Variants in GDAP1 observed in about 807,000 individuals in gnomAD.
GDAP1 encodes the protein ganglioside-induced differentiation-associated protein 1.
A neutral mutation model predicts 40.1 loss-of-function variants in GDAP1; 34 were observed. That is an observed-to-expected ratio of 0.85 (90% CI 0.64 to 1.13). GDAP1 has a LOEUF of 1.13. Among genes scored for constraint, GDAP1 ranks in the 50% most tolerant of loss-of-function variants. The probability of loss-of-function intolerance (pLI) is 0.00; values close to 1 mark genes in which losing one functional copy is unlikely to be tolerated. For synonymous variants in GDAP1, 170 were observed against 157.4 expected (o/e 1.08, Z -0.60); for missense variants, 374 against 433.7 (o/e 0.86, Z 1.22).
rs1360085741 is a variant in GDAP1 at position 74,351,270 on chromosome 8, C to G, written c.118-4C>G. On this transcript the variant is annotated splice_polypyrimidine_tract_variant and splice_region_variant and intron_variant, in intron 1 of 5. Coordinates refer to ENST00000220822, the MANE Select transcript of GDAP1 (RefSeq NM_018972.4). ...GTTGTAGTAACCAGTGTGAACTCTT[C>G]CAGGTGCGCTTGGTAATTGCTGAAA... 1.9e-6 allele frequency: 3 copies of G among 1,613,026 alleles called. No homozygotes were observed. The highest frequency in any genetic ancestry group is 1.7e-5 in the Admixed American group (1 of 60,026).
At chr8:74,368,850 C>G (rs957548872), downstream of GDAP1, among the ~76,000 whole-genome samples, 2 of 152,194 alleles carry the variant, frequency 1.3e-5, no homozygotes, top group Admixed American at 1.3e-4. Flanking sequence ...TCCTTGGCCT[C>G]TACCTCCTAA....
intron 2 of GDAP1, among the ~76,000 whole-genome samples, chr8:74,379,588 A>G (rs1809916030): frequency 6.6e-6 from 1 of 152,212 alleles, no homozygotes; most frequent in Non-Finnish European, 1.5e-5. Context: ...CCATATGTAA[A>G]AATGATAGAA....
chr8:74,350,525 G>C lies in GDAP1; in HGVS notation c.64G>C (p.Ala22Pro), dbSNP rs1398700519. Reference protein sequence around the residue: ...PPLRAEGKADAEVKLILYHWT... With the variant: ...PPLRAEGKADPEVKLILYHWT... ...CTTGAGGGCGGAAGGCAAGGCCGAC[G>C]CGGAGGTTAAGCTCATTCTGTACCA... Residue 22 changes from alanine (A) to proline (P), a missense_variant, in exon 1 of 6, where the codon GCG becomes CCG. By Grantham distance (27) the Ala-to-Pro change is conservative (BLOSUM62 -1). Transcript: ENST00000220822. 6.2e-7 allele frequency: 1 copy of C among 1,613,492 alleles called. No individual in the cohort carries two copies. Among genetic ancestry groups the C allele is most frequent in the Non-Finnish European group, 8.5e-7 (1 of 1,179,530 alleles).
At chr8:74,480,316 C>T (rs1433011037) in intron 2 of GDAP1, among the ~76,000 whole-genome samples, 1 of 152,098 alleles carries the variant, frequency 6.6e-6, no homozygotes, top group Non-Finnish European at 1.5e-5. Flanking sequence ...TGGAACTGCA[C>T]TGCAAAGTAC....
chr8:74,416,667 T>C (rs1441154073), intron 2 of GDAP1, among the ~76,000 whole-genome samples: 1 of 150,006 alleles, frequency 6.7e-6, no homozygotes. Context: ...GCTGGGAGAC[T>C]TGAGGACAGG....
chr8:74,377,860 A>G (rs1029730479), intron 2 of GDAP1, among the ~76,000 whole-genome samples: 2 of 152,234 alleles, frequency 1.3e-5, no homozygotes, highest in African/African-American at 2.4e-5. Flanking sequence ...CTAATGGCCA[A>G]TAATTGGAAA....
intron 2 of GDAP1, among the ~76,000 whole-genome samples, chr8:74,427,793 A>T (rs888774264): frequency 6.6e-6 from 1 of 152,224 alleles, no homozygotes; most frequent in Non-Finnish European, 1.5e-5. Flanking sequence ...GGGTAAACAG[A>T]TATGTACTTT....
intron 2 of GDAP1, among the ~76,000 whole-genome samples, chr8:74,402,420 A>C (rs1050395890): frequency 6.7e-6 from 1 of 150,294 alleles, no homozygotes; most frequent in African/African-American, 2.5e-5. Context: ...GCGCAGTGTT[A>C]GGGTGTGAGT....
chr8:74,445,194 A>G (rs1247176432), intron 2 of GDAP1, among the ~76,000 whole-genome samples: 1 of 152,220 alleles, frequency 6.6e-6, no homozygotes, highest in Non-Finnish European at 1.5e-5. Context: ...AGATATCTGT[A>G]TCATGCTTCA....
At chr8:74,378,776 G>A (rs536919000) in intron 2 of GDAP1, among the ~76,000 whole-genome samples, 2 of 152,104 alleles carry the variant, frequency 1.3e-5, no homozygotes, top group East Asian at 1.9e-4. Context: ...CCACCTGGGG[G>A]CCTCACTCAC....
At chr8:74,438,514 C>T (rs140107002) in intron 2 of GDAP1, among the ~76,000 whole-genome samples, 85 of 152,270 alleles carry the variant, frequency 5.6e-4, no homozygotes, top group African/African-American at 1.9e-3. Flanking sequence ...TGAGGTTGAG[C>T]GTCTTTTTAT....
At chr8:74,354,381 G>A (rs1231764569) in intron 2 of GDAP1, among the ~76,000 whole-genome samples, 1 of 152,160 alleles carries the variant, frequency 6.6e-6, no homozygotes. Context: ...CCTGTACAGG[G>A]ATCCCTTGTA....
In GDAP1 at chr8:74,365,726, G is replaced by A. The variant is rs1356365312; in HGVS notation, c.*1359G>A. 8.8e-6 allele frequency: 4 copies of A among 454,520 alleles called. No individual in the cohort carries two copies. Among genetic ancestry groups the A allele is most frequent in the African/African-American group, 6.0e-5 (3 of 50,128 alleles). 28.2% of individuals were successfully genotyped at this position (454,520 alleles called of 1,614,324 possible). A position where few individuals can be genotyped will look rare whatever the true frequency, so the allele number is the denominator to read the frequency against. On this transcript the variant is annotated 3_prime_UTR_variant, in exon 6 of 6. Coordinates refer to ENST00000220822, the MANE Select transcript of GDAP1 (RefSeq NM_018972.4). ...GATTTTTTAATTCTATTTTGATGCT[G>A]TAATTCCATTTCATGACCTAGTTGT...
intron 2 of GDAP1, among the ~76,000 whole-genome samples, chr8:74,469,559 T>G (rs1367547480): frequency 6.6e-6 from 1 of 151,574 alleles, no homozygotes; most frequent in Non-Finnish European, 1.5e-5. Flanking sequence ...TCCCAGCTAC[T>G]CGGGAGGCTG....
At chr8:74,487,977 A>G (rs1281463657) in intron 2 of GDAP1, among the ~76,000 whole-genome samples, 1 of 152,168 alleles carries the variant, frequency 6.6e-6, no homozygotes, top group Admixed American at 6.5e-5. Context: ...TAAATTCAAC[A>G]GACTTGTTCA....
At chr8:74,430,338 G>T (rs1806009670) in intron 2 of GDAP1, among the ~76,000 whole-genome samples, 1 of 152,188 alleles carries the variant, frequency 6.6e-6, no homozygotes, top group South Asian at 2.1e-4. Flanking sequence ...TGTGGACATG[G>T]CTTTCATTGG....
intron 2 of GDAP1, among the ~76,000 whole-genome samples, chr8:74,352,202 T>C (rs558814804): frequency 6.6e-6 from 1 of 152,316 alleles, no homozygotes; most frequent in East Asian, 1.9e-4. Context: ...TCTCCCATAA[T>C]CCTTGCCACT....
chr8:74,455,517 A>G (rs1326326534), intron 2 of GDAP1, among the ~76,000 whole-genome samples: 1 of 152,012 alleles, frequency 6.6e-6, no homozygotes, highest in Non-Finnish European at 1.5e-5. Flanking sequence ...TAGCATAAAG[A>G]ATTTTCATTC....
chr8:74,486,123 G>A (rs1196351542), intron 2 of GDAP1, among the ~76,000 whole-genome samples: 1 of 152,174 alleles, frequency 6.6e-6, no homozygotes, highest in Non-Finnish European at 1.5e-5. Context: ...TAGGCTGATA[G>A]GATTCTTGTC....
Sources: allele counts gnomAD v4.1 joint callset (sites outside exome capture counted in the v4.1 genomes callset), GRCh38; gene constraint gnomAD v4.1.1; transcripts MANE v1.5; gene names NCBI Gene and HGNC (gene_info 2026-07-23, HGNC 2026-07-21).